The following TNRC18 variants were observed in gnomAD, a reference collection of about 807,000 sequenced individuals.
TNRC18 encodes the protein trinucleotide repeat containing 18.
Under a neutral mutation model 226.7 loss-of-function variants are expected in TNRC18, and 69 were observed. That is an observed-to-expected ratio of 0.30 (90% CI 0.25 to 0.37). The LOEUF is 0.37. Among genes scored for constraint, TNRC18 ranks in the 10% least tolerant of loss-of-function variants. The pLI, the probability that TNRC18 is intolerant of heterozygous loss-of-function variation, is 1.00. For missense variants in TNRC18, 4,754 were observed against 4,256.6 expected, an observed-to-expected ratio of 1.12 and a Z score of -3.25; for synonymous variants, 2,449 against 1,927.6, an observed-to-expected ratio of 1.27 and a Z score of -7.09.
intron 1 of TNRC18, among the ~76,000 whole-genome samples, chr7:5,422,581 G>A (rs1223517097): frequency 6.6e-6 from 1 of 152,160 alleles, no homozygotes; most frequent in Non-Finnish European, 1.5e-5. Flanking sequence ...CTTAAGAGAA[G>A]CCGATCACGC....
intron 2 of TNRC18, among the ~76,000 whole-genome samples, chr7:5,415,753 C>T (rs1239337375): frequency 6.6e-6 from 1 of 151,954 alleles, no homozygotes; most frequent in Non-Finnish European, 1.5e-5. Flanking sequence ...AGCCCATCTC[C>T]AGGTGGTTGT....
chr7:5,323,661 G>C (rs1788611415), intron 21 of TNRC18, among the ~76,000 whole-genome samples: 1 of 148,728 alleles, frequency 6.7e-6, no homozygotes, highest in South Asian at 2.1e-4. Context: ...TCCGCCTCCT[G>C]GTTTCAAGTG....
chr7:5,339,540 A>G (rs1345043725), intron 18 of TNRC18, among the ~76,000 whole-genome samples: 16 of 95,412 alleles, frequency 1.7e-4, no homozygotes, highest in African/African-American at 7.6e-4. Flanking sequence ...GTGCCCAGCC[A>G]ATGTGTGTGT....
chr7:5,313,175 G>A lies in TNRC18; in HGVS notation c.7716C>T (p.Ser2572=), dbSNP rs1358898908. Residue 2572 remains serine (S), a synonymous_variant, in exon 27 of 30, where the codon AGC becomes AGT. Transcript: ENST00000430969. ...TCTCCGAGCCGCTGCTGCTGCTGCT[G>A]CTGCTGCTGCTACTGCTGCCACTAC... ...SSSSGSSSSS[S]SSSSSGSETE... 3 of 1,541,302 alleles carry A rather than the reference G, an allele frequency of 1.9e-6. No homozygotes were observed. Among genetic ancestry groups the A allele is most frequent in the Admixed American group, 2.0e-5 (1 of 50,898 alleles).
In TNRC18 at chr7:5,352,217, C is replaced by G. The variant is rs544079082; in HGVS notation, c.5195-123G>C. On this transcript the variant is annotated intron_variant, in intron 16 of 29. Coordinates refer to ENST00000430969, the MANE Select transcript of TNRC18 (RefSeq NM_001080495.3). Reference sequence around the variant, plus strand: ...TGCCAGAACAAACAGGTCCGAATACCTAGTAGGCGGCCGTACAAAGGCCTT... The same window carrying G: ...TGCCAGAACAAACAGGTCCGAATACGTAGTAGGCGGCCGTACAAAGGCCTT... 2.1e-5 allele frequency: 22 copies of G among 1,038,378 alleles called. No individual in the cohort carries two copies. In the East Asian group the frequency reaches 2.4e-4, roughly 11 times the overall value. 64.3% of individuals were successfully genotyped at this position (1,038,378 alleles called of 1,614,324 possible).
chr7:5,313,642 C>A lies in TNRC18; in HGVS notation c.7249G>T (p.Ala2417Ser). The A allele has an allele frequency of 1.9e-6, 3 of 1,604,826 alleles. No individual in the cohort carries two copies. Among genetic ancestry groups the A allele is most frequent in the Non-Finnish European group, 2.5e-6 (3 of 1,176,542 alleles). ...PAPEPFAELP[A>S]PATSLAPAPL... ...GCTGGGGCCAGGGAGGTGGCAGGAGCTGGCAGCTCTGCAAATGGCTCGGGT... is the reference window on the plus strand; with the variant it reads ...GCTGGGGCCAGGGAGGTGGCAGGAGATGGCAGCTCTGCAAATGGCTCGGGT... The change falls in exon 27 of 30, where the codon GCT (alanine) becomes TCT (serine). Residue 2417 changes from alanine to serine, a missense_variant. Coordinates refer to ENST00000430969, the MANE Select transcript of TNRC18 (RefSeq NM_001080495.3).
intron 2 of TNRC18, among the ~76,000 whole-genome samples, chr7:5,406,261 G>C (rs981459850): frequency 6.6e-6 from 1 of 151,742 alleles, no homozygotes; most frequent in Non-Finnish European, 1.5e-5. Flanking sequence ...TCAGGAGTTG[G>C]AGACCAGCCT....
chr7:5,402,841 G>A (rs964624050), intron 2 of TNRC18, among the ~76,000 whole-genome samples: 18 of 149,482 alleles, frequency 1.2e-4, no homozygotes, highest in African/African-American at 4.3e-4. Context: ...GCGACAGAGT[G>A]AGACTCTGTC....
At chr7:5,334,253 G>A (rs570296135) in intron 18 of TNRC18, among the ~76,000 whole-genome samples, 1 of 152,142 alleles carries the variant, frequency 6.6e-6, no homozygotes, top group Non-Finnish European at 1.5e-5. Context: ...GGGCTGCCCA[G>A]TGGGAAAAAG....
In TNRC18 at chr7:5,394,667, G is replaced by A. The variant is rs1195158361; in HGVS notation, c.188-72C>T. 15 of 1,032,730 alleles carry A rather than the reference G, an allele frequency of 1.5e-5. No individual in the cohort carries two copies. Among genetic ancestry groups the A allele is most frequent in the Admixed American group, 8.5e-5 (2 of 23,438 alleles). 64.0% of individuals were successfully genotyped at this position (1,032,730 alleles called of 1,614,324 possible). A position where few individuals can be genotyped will look rare whatever the true frequency, so the allele number is the denominator to read the frequency against. ...CGCCGCCGCCCCAGCCCACCGCCCC[G>A]ACCCACCGCCCCGAGACCGCCGCCT... On this transcript the variant is annotated intron_variant, in intron 2 of 29. Transcript: ENST00000430969. The surrounding 1 kb of genome is among the most constrained non-coding windows in gnomAD (Gnocchi z 4.5).
intron 18 of TNRC18, among the ~76,000 whole-genome samples, chr7:5,340,836 G>C (rs554835063): frequency 6.6e-6 from 1 of 152,280 alleles, no homozygotes; most frequent in Non-Finnish European, 1.5e-5. Flanking sequence ...GCTGCAGCGA[G>C]TTCTCCAGAA....
At chr7:5,349,477 T>C (rs1346159267) in intron 17 of TNRC18, among the ~76,000 whole-genome samples, 1 of 152,182 alleles carries the variant, frequency 6.6e-6, no homozygotes, top group African/African-American at 2.4e-5. Context: ...GCTCAGGACA[T>C]GGGGTTGGCG....
At chr7:5,380,323 G>A (rs1029088391) in intron 5 of TNRC18, among the ~76,000 whole-genome samples, 2 of 152,212 alleles carry the variant, frequency 1.3e-5, no homozygotes, top group Non-Finnish European at 2.9e-5. Context: ...TCATGCCCCT[G>A]TGGTCCCAGC....
chr7:5,362,205 C>T (rs902175603), intron 12 of TNRC18, among the ~76,000 whole-genome samples, 172 bp from the exon 13 acceptor site: 1 of 152,180 alleles, frequency 6.6e-6, no homozygotes, highest in Non-Finnish European at 1.5e-5. Flanking sequence ...ATGCAAGGGA[C>T]CCTGTGCTGG....
At position 5,380,246 on chromosome 7, in the gene TNRC18, G is replaced by A. The variant is rs764900152; in HGVS notation, c.2153-2222C>T. ...GGATCACTGGAGCCCAGGAGTTTGA[G>A]ACCAATCTGGGCAACACAGTGAGTC... On this transcript the variant is annotated intron_variant, in intron 5 of 29. Transcript: ENST00000430969. Among the ~76,000 whole-genome samples, 209 of 152,324 alleles carry A rather than the reference G, an allele frequency of 1.4e-3. 1 individual carries two copies. Among genetic ancestry groups the A allele is most frequent in the Non-Finnish European group, 1.3e-3 (86 of 68,026 alleles).
At chr7:5,362,282 C>G (rs1033255341) in intron 12 of TNRC18, among the ~76,000 whole-genome samples, 41 of 152,150 alleles carry the variant, frequency 2.7e-4, no homozygotes, top group African/African-American at 9.2e-4. Context: ...CGTGTGACAC[C>G]TGCTCCATCA....
At chr7:5,345,867 C>A (rs1791135979) in intron 17 of TNRC18, 57 bp from the exon 18 acceptor site, 2 of 1,494,816 alleles carry the variant, frequency 1.3e-6, no homozygotes, top group East Asian at 2.5e-5. Context: ...AGGGCCACCC[C>A]CCACCGCCCC....
chr7:5,397,832 C>T (rs556676908), intron 2 of TNRC18, among the ~76,000 whole-genome samples: 13 of 152,142 alleles, frequency 8.5e-5, no homozygotes, highest in Non-Finnish European at 1.5e-5. Flanking sequence ...GATCTGCCAG[C>T]CTCCTTGTGG....
At chr7:5,407,972 G>A (rs1781589935) in intron 2 of TNRC18, among the ~76,000 whole-genome samples, 1 of 152,180 alleles carries the variant, frequency 6.6e-6, no homozygotes, top group African/African-American at 2.4e-5. Context: ...GCCTACAAGA[G>A]ACTGCACAGT....
Sources: gnomAD v4.1 joint callset for allele counts (sites outside exome capture counted in the v4.1 genomes callset) on GRCh38, gnomAD v4.1.1 for gene constraint, Gnocchi (gnomAD v3.1) non-coding constraint, MANE v1.5 for transcripts, NCBI Gene and HGNC (gene_info 2026-07-23, HGNC 2026-07-21) for gene names.